The following FGD6 variants were observed in gnomAD, a reference collection of about 807,000 sequenced individuals.
FGD6 encodes FYVE, RhoGEF and PH domain containing 6.
A neutral mutation model predicts 149.4 loss-of-function variants in FGD6; 90 were observed. The observed-to-expected ratio is 0.60, with a 90% CI of 0.51 to 0.72. FGD6 has a LOEUF of 0.72. FGD6 is among the 30% of genes least tolerant of loss of function. FGD6 has a pLI of 0.00. For missense variants in FGD6, 1,437 were observed against 1,684.8 expected (o/e 0.85, Z 2.57); for synonymous variants, 527 against 584.0 (o/e 0.90, Z 1.41).
At chr12:95,129,520 G>T (rs903465245) in intron 8 of FGD6, among the ~76,000 whole-genome samples, 1 of 152,084 alleles carries the variant, frequency 6.6e-6, no homozygotes, top group South Asian at 2.1e-4. Context: ...GTCTCTACCC[G>T]GAAGAGATGA....
rs1481118006 is a variant in FGD6, at chr12:95,197,852, T to G, written c.2441+10991A>C. 3.3e-5 allele frequency among the ~76,000 whole-genome samples: 5 copies of G among 152,330 alleles called. No homozygotes were observed. In the Middle Eastern group the frequency reaches 0.014, roughly 415 times the overall value. Reference sequence around the variant, plus strand: ...TAAATGACAGGAATCATATTTAACTTGCTTTGAATAGCAGCCACCACCTAC... The same window carrying G: ...TAAATGACAGGAATCATATTTAACTGGCTTTGAATAGCAGCCACCACCTAC... On this transcript the variant is annotated intron_variant, in intron 2 of 20. Transcript: ENST00000343958.
At chr12:95,096,394 C>T (rs1878232532) in intron 14 of FGD6, among the ~76,000 whole-genome samples, 1 of 152,146 alleles carries the variant, frequency 6.6e-6, no homozygotes, top group Admixed American at 6.6e-5. Flanking sequence ...GGTAGAGATC[C>T]ACTTTACAAA....
intron 3 of FGD6, among the ~76,000 whole-genome samples, chr12:95,170,038 T>C (rs1417840004): frequency 1.3e-5 from 2 of 151,976 alleles, no homozygotes; most frequent in Non-Finnish European, 2.9e-5. Flanking sequence ...GGAGAATCGC[T>C]TGAACCTGGA....
intron 14 of FGD6, among the ~76,000 whole-genome samples, chr12:95,097,924 G>A (rs936860577): frequency 6.6e-6 from 1 of 152,190 alleles, no homozygotes; most frequent in African/African-American, 2.4e-5. Flanking sequence ...TATGTAAGTA[G>A]CAGGGATGGC....
chr12:95,083,012 AATAT>A (rs1555215600), intron 20 of FGD6, among the ~76,000 whole-genome samples: 1 of 20,018 alleles, frequency 5.0e-5, no homozygotes, highest in Non-Finnish European at 8.3e-5. Context: ...AAAAAAAAAA[AATAT>A]ATATATATAT....
intron 5 of FGD6, among the ~76,000 whole-genome samples, chr12:95,150,972 G>T (rs940151633): frequency 6.6e-6 from 1 of 151,800 alleles, no homozygotes; most frequent in African/African-American, 2.4e-5. Flanking sequence ...GGATGGCTGT[G>T]GTCCCAGCTA....
intron 3 of FGD6, among the ~76,000 whole-genome samples, chr12:95,153,991 G>A (rs911173163): frequency 2.7e-5 from 4 of 147,232 alleles, no homozygotes; most frequent in Non-Finnish European, 4.5e-5. Context: ...ACAGAGTCTC[G>A]CTCTGCTGCC....
chr12:95,106,448 T>G (rs1249264851), intron 13 of FGD6, among the ~76,000 whole-genome samples: 8 of 118,516 alleles, frequency 6.8e-5, no homozygotes, highest in Non-Finnish European at 1.0e-4. Flanking sequence ...TTTTTGTTTG[T>G]TTTTTTTTTG....
chr12:95,083,259 T>G (rs1877758018), intron 20 of FGD6, among the ~76,000 whole-genome samples: 1 of 151,600 alleles, frequency 6.6e-6, no homozygotes, highest in African/African-American at 2.4e-5. Context: ...TGTCATGTAC[T>G]TCAAAAAGCA....
At chr12:95,139,708 T>G (rs894437505) in intron 6 of FGD6, among the ~76,000 whole-genome samples, 1 of 150,524 alleles carries the variant, frequency 6.6e-6, no homozygotes, top group African/African-American at 2.5e-5. Context: ...CAGAATGGAG[T>G]GCAGTGGCAC....
rs886408326 is a variant in FGD6 at position 95,079,934 on chromosome 12, C to T, written c.*1586G>A. On this transcript the variant is annotated 3_prime_UTR_variant, in exon 21 of 21. Coordinates refer to ENST00000343958, the MANE Select transcript of FGD6 (RefSeq NM_018351.4). ...CTTTAAAGAAATATTATATGGATAA[C>T]CTTGCTGTTCAATTTTTTTTTTTTT... The T allele has an allele frequency of 6.7e-6, 1 of 148,232 alleles. No individual in the cohort carries two copies. Among genetic ancestry groups the T allele is most frequent in the African/African-American group, 2.5e-5 (1 of 40,286 alleles). The allele number at this position is 148,232 out of a possible 1,614,324, so 9.2% of individuals were successfully genotyped here. A position where few individuals can be genotyped will look rare whatever the true frequency, so the allele number is the denominator to read the frequency against.
At chr12:95,082,767 C>A (rs1483204722) in intron 20 of FGD6, among the ~76,000 whole-genome samples, 1 of 150,048 alleles carries the variant, frequency 6.7e-6, no homozygotes, top group Non-Finnish European at 1.5e-5. Flanking sequence ...TCAGAAGATA[C>A]TTGAGAGTAG....
chr12:95,217,428 C>G lies in FGD6; in HGVS notation c.-188G>C. The G allele has an allele frequency of 1.0e-6, 1 of 974,578 alleles. No individual in the cohort carries two copies. Among genetic ancestry groups the G allele is most frequent in the Non-Finnish European group, 1.4e-6 (1 of 716,052 alleles). The allele number at this position is 974,578 out of a possible 1,614,324, so 60.4% of individuals were successfully genotyped here. A position where few individuals can be genotyped will look rare whatever the true frequency, so the allele number is the denominator to read the frequency against. On this transcript the variant is annotated 5_prime_UTR_variant, in exon 1 of 21. Coordinates refer to ENST00000343958, the MANE Select transcript of FGD6 (RefSeq NM_018351.4). Reference sequence around the variant, plus strand: ...CGACTCTAGCGACCCTGCGGCGCTCCCGGGCGCGAGCCGCCGGGGTCGGGC... The same window carrying G: ...CGACTCTAGCGACCCTGCGGCGCTCGCGGGCGCGAGCCGCCGGGGTCGGGC...
At chr12:95,156,671 C>T (rs1047249197) in intron 3 of FGD6, among the ~76,000 whole-genome samples, 3 of 152,082 alleles carry the variant, frequency 2.0e-5, no homozygotes, top group Admixed American at 2.0e-4. Context: ...TTGTACACTC[C>T]CACCCCTGTA....
intron 8 of FGD6, among the ~76,000 whole-genome samples, chr12:95,128,798 A>G (rs1423353805): frequency 6.6e-6 from 1 of 152,206 alleles, no homozygotes; most frequent in Non-Finnish European, 1.5e-5. Context: ...ACTTATATAA[A>G]TATTTGTTGG....
At chr12:95,160,111 G>A (rs1435376534) in intron 3 of FGD6, among the ~76,000 whole-genome samples, 1 of 152,004 alleles carries the variant, frequency 6.6e-6, no homozygotes, top group Non-Finnish European at 1.5e-5. Context: ...TTGGGAGGCT[G>A]AGGTGGGAGG....
chr12:95,168,365 T>C (rs950864249), intron 3 of FGD6, among the ~76,000 whole-genome samples: 1 of 152,166 alleles, frequency 6.6e-6, no homozygotes, highest in African/African-American at 2.4e-5. Flanking sequence ...CTTATTTTCA[T>C]AAAAATCGTT....
At chr12:95,199,226 T>C (rs1881803744) in intron 2 of FGD6, among the ~76,000 whole-genome samples, 1 of 152,290 alleles carries the variant, frequency 6.6e-6, no homozygotes, top group East Asian at 1.9e-4. Context: ...AGTCGACAAG[T>C]CTTCACGGGC....
chr12:95,180,960 G>A (rs1881265526), intron 2 of FGD6, among the ~76,000 whole-genome samples: 1 of 150,454 alleles, frequency 6.6e-6, no homozygotes, highest in Admixed American at 6.7e-5. Context: ...CCCAGACTTG[G>A]AGGTCTGTGT....
Sources: allele counts gnomAD v4.1 joint callset (sites outside exome capture counted in the v4.1 genomes callset), GRCh38; gene constraint gnomAD v4.1.1; transcripts MANE v1.5; gene names NCBI Gene and HGNC (gene_info 2026-07-23, HGNC 2026-07-21).